The following ADAMTS12 variants were observed in gnomAD, a reference collection of about 807,000 sequenced individuals.
ADAMTS12 encodes ADAM metallopeptidase with thrombospondin type 1 motif 12.
In ADAMTS12, 118 loss-of-function variants were observed where a neutral mutation model predicts 167.8. The ratio of observed to expected loss-of-function variants is 0.70; its 90% CI spans 0.61 to 0.82. The LOEUF (loss-of-function observed/expected upper bound fraction) is 0.82, where lower values mean the gene tolerates loss of function less well. ADAMTS12 is among the 40% of genes least tolerant of loss of function. ADAMTS12 has a pLI of 0.00. For synonymous variants in ADAMTS12, 704 were observed against 716.9 expected (o/e 0.98, Z 0.29); for missense variants, 1,916 against 1,998.8 (o/e 0.96, Z 0.79).
intron 2 of ADAMTS12, among the ~76,000 whole-genome samples, chr5:33,762,630 C>A (rs1389289319): frequency 6.6e-6 from 1 of 152,080 alleles, no homozygotes; most frequent in Non-Finnish European, 1.5e-5. Flanking sequence ...AGGGAAAAAT[C>A]CATGGAGGGA....
chr5:33,777,178 G>A (rs754469073), intron 2 of ADAMTS12, among the ~76,000 whole-genome samples: 1 of 151,982 alleles, frequency 6.6e-6, no homozygotes, highest in Non-Finnish European at 1.5e-5. Context: ...CATCGTATGT[G>A]GCTACTATTA....
Position 33,768,761 on chromosome 5 carries a change from T to C in ADAMTS12, c.490-17213A>G, listed in dbSNP as rs948651974. ...CCATGTTCAGGAACATGTAGTGGCA[T>C]GATAAGAAACTACTCATATTGTTAC... On this transcript the variant is annotated intron_variant, in intron 2 of 23. Transcript: ENST00000504830. 1.3e-5 allele frequency among the ~76,000 whole-genome samples: 2 copies of C among 152,124 alleles called. 1 individual carries two copies. The highest frequency in any genetic ancestry group is 2.9e-5 in the Non-Finnish European group (2 of 68,018).
At chr5:33,594,849 G>GTT (rs1328668574) in intron 17 of ADAMTS12, among the ~76,000 whole-genome samples, 7 of 152,126 alleles carry the variant, frequency 4.6e-5, no homozygotes, top group Non-Finnish European at 1.0e-4. Flanking sequence ...TTTTTCAACT[G>GTT]TCTTGTCCTG....
At chr5:33,596,532 AT>A (rs1395232290) in intron 16 of ADAMTS12, among the ~76,000 whole-genome samples, 1 of 152,164 alleles carries the variant, frequency 6.6e-6, no homozygotes, top group Non-Finnish European at 1.5e-5. Flanking sequence ...AAATACAAAA[AT>A]TAGCTGGGTG....
rs182365460 is a variant in ADAMTS12 at position 33,526,713 on chromosome 5, C to G, written c.*475G>C. 1 of 155,078 alleles carries G rather than the reference C, an allele frequency of 6.4e-6. No homozygotes were observed. Among genetic ancestry groups the G allele is most frequent in the African/African-American group, 2.4e-5 (1 of 41,376 alleles). The allele number at this position is 155,078 out of a possible 1,614,324, so 9.6% of individuals were successfully genotyped here. On this transcript the variant is annotated 3_prime_UTR_variant, in exon 24 of 24. Transcript: ENST00000504830. ...AATTAAAGGAATGTTCCTAAAGCTC[C>G]GCTGTGACATTTTAAATAGCAGCTG...
At chr5:33,619,804 C>T (rs1410835772) in intron 14 of ADAMTS12, among the ~76,000 whole-genome samples, 1 of 152,158 alleles carries the variant, frequency 6.6e-6, no homozygotes, top group African/African-American at 2.4e-5. Flanking sequence ...AAGCGATTCT[C>T]CTGCCTCAGC....
At chr5:33,639,447 A>G (rs1206827452) in intron 11 of ADAMTS12, among the ~76,000 whole-genome samples, 3 of 152,224 alleles carry the variant, frequency 2.0e-5, no homozygotes, top group Admixed American at 1.3e-4. Context: ...GGGGAAAGCC[A>G]TGGAAATGAG....
intron 20 of ADAMTS12, among the ~76,000 whole-genome samples, chr5:33,552,585 A>T (rs190065906): frequency 1.2e-4 from 19 of 152,378 alleles, no homozygotes; most frequent in Non-Finnish European, 1.6e-4. Flanking sequence ...GACCCTTAAA[A>T]TAATTCTTTC....
chr5:33,624,578 C>T (rs1288006787), intron 13 of ADAMTS12, among the ~76,000 whole-genome samples: 1 of 152,202 alleles, frequency 6.6e-6, no homozygotes, highest in African/African-American at 2.4e-5. Context: ...TGAGTGAGGT[C>T]TCTAATTTCC....
chr5:33,527,111 G>C lies in ADAMTS12; in HGVS notation c.*77C>G. 6.5e-7 allele frequency: 1 copy of C among 1,541,198 alleles called. No homozygotes were observed. Among genetic ancestry groups the C allele is most frequent in the African/African-American group, 1.4e-5 (1 of 72,336 alleles). On this transcript the variant is annotated 3_prime_UTR_variant, in exon 24 of 24. Coordinates refer to ENST00000504830, the MANE Select transcript of ADAMTS12 (RefSeq NM_030955.4). ...GAAATATATGAAGCAAAACCTCAAC[G>C]AAGCAGCTCCCAGGGCTAAAGCATG...
At chr5:33,680,371 G>C (rs1246338809) in intron 5 of ADAMTS12, among the ~76,000 whole-genome samples, 1 of 152,180 alleles carries the variant, frequency 6.6e-6, no homozygotes, top group Non-Finnish European at 1.5e-5. Context: ...AAAGGGGCCT[G>C]ATCCGTGGAA....
chr5:33,656,382 T>C (rs951475849), intron 7 of ADAMTS12, among the ~76,000 whole-genome samples: 19 of 152,206 alleles, frequency 1.2e-4, no homozygotes, highest in Non-Finnish European at 1.9e-4. Context: ...TACTTGCCCT[T>C]AGCTTTGTTT....
At chr5:33,795,287 T>C (rs1438255908) in intron 2 of ADAMTS12, among the ~76,000 whole-genome samples, 1 of 152,144 alleles carries the variant, frequency 6.6e-6, no homozygotes, top group Admixed American at 6.5e-5. Flanking sequence ...AATTCAGTGA[T>C]TGGAAATGTC....
At chr5:33,537,994 C>T (rs766435343) in intron 22 of ADAMTS12, among the ~76,000 whole-genome samples, 2 of 152,156 alleles carry the variant, frequency 1.3e-5, no homozygotes, top group African/African-American at 2.4e-5. Flanking sequence ...TCCTGTCTCC[C>T]AGCTCGTGGC....
At chr5:33,632,845 G>A (rs1004619511) in intron 12 of ADAMTS12, among the ~76,000 whole-genome samples, 36 of 152,164 alleles carry the variant, frequency 2.4e-4, no homozygotes, top group African/African-American at 7.7e-4. Context: ...CTTTTCTAAG[G>A]AATCATCTGT....
intron 11 of ADAMTS12, among the ~76,000 whole-genome samples, chr5:33,639,209 A>G (rs75545315): frequency 6.6e-6 from 1 of 152,000 alleles, no homozygotes; most frequent in Admixed American, 6.6e-5. Flanking sequence ...AACTGAGAGC[A>G]TTTTTTTTGG....
intron 2 of ADAMTS12, among the ~76,000 whole-genome samples, chr5:33,783,275 T>A (rs998247710): frequency 1.3e-5 from 2 of 151,908 alleles, no homozygotes; most frequent in Non-Finnish European, 2.9e-5. Context: ...GGAAGGTTTC[T>A]AGCTTTAAAT....
intron 5 of ADAMTS12, among the ~76,000 whole-genome samples, chr5:33,669,818 A>G (rs1741607091): frequency 6.6e-6 from 1 of 152,128 alleles, no homozygotes. Flanking sequence ...GAGAAAGAAG[A>G]ATTTCAATCT....
chr5:33,863,331 C>A (rs7716999), intron 2 of ADAMTS12, among the ~76,000 whole-genome samples: 11,097 of 152,188 alleles, frequency 0.073, 618 homozygotes, highest in East Asian at 0.18. Context: ...AGCTGATAAG[C>A]AACTTCAGCA....
Sources: allele counts gnomAD v4.1 joint callset (sites outside exome capture counted in the v4.1 genomes callset), GRCh38; gene constraint gnomAD v4.1.1; transcripts MANE v1.5; gene names NCBI Gene and HGNC (gene_info 2026-07-23, HGNC 2026-07-21).